RTTN: variants seen among roughly 807,000 people sequenced by gnomAD.
RTTN encodes rotatin.
A neutral mutation model predicts 269.2 loss-of-function variants in RTTN; 182 were observed. The observed-to-expected ratio is 0.68, with a 90% CI of 0.60 to 0.76. The LOEUF is 0.76. Ranked by LOEUF, RTTN falls within the 30% of genes least tolerant of loss-of-function variation. The pLI, the probability that RTTN is intolerant of heterozygous loss-of-function variation, is 0.00. For synonymous variants in RTTN, 1,006 were observed against 963.5 expected (o/e 1.04, Z -0.82); for missense variants, 2,545 against 2,608.6 (o/e 0.98, Z 0.53).
At chr18:70,193,978 T>C (rs1480058347) in intron 7 of RTTN, among the ~76,000 whole-genome samples, 1 of 152,162 alleles carries the variant, frequency 6.6e-6, no homozygotes, top group African/African-American at 2.4e-5. Flanking sequence ...CAAGGGAACA[T>C]TACAAGAAAG....
intron 27 of RTTN, among the ~76,000 whole-genome samples, chr18:70,110,350 CCAA>C (rs2059431621): frequency 6.6e-6 from 1 of 152,106 alleles, no homozygotes; most frequent in Non-Finnish European, 1.5e-5. Context: ...TTCTGCATTT[CCAA>C]CTAAGGTACC....
intron 44 of RTTN, 113 bp downstream of exon 44, chr18:70,024,609 A>G: frequency 3.0e-6 from 3 of 991,978 alleles, no homozygotes; most frequent in Non-Finnish European, 4.5e-6. Context: ...CATATCCTCA[A>G]TAAATCAGAG....
chr18:70,054,079 T>A, intron 38 of RTTN, 52 bp downstream of exon 38: 1 of 1,457,782 alleles, frequency 6.9e-7, no homozygotes, highest in Admixed American at 1.9e-5. Flanking sequence ...GAGTAAGTTT[T>A]TTTTCCTCAG....
intron 10 of RTTN, among the ~76,000 whole-genome samples, chr18:70,180,721 G>A (rs893956003): frequency 1.3e-5 from 2 of 152,040 alleles, no homozygotes; most frequent in Non-Finnish European, 2.9e-5. Flanking sequence ...AATAAACTGT[G>A]CCTCAGTTAT....
intron 29 of RTTN, 136 bp from the exon 30 acceptor site, chr18:70,092,356 C>T (rs1173849760): frequency 1.6e-5 from 10 of 641,920 alleles, no homozygotes; most frequent in Non-Finnish European, 2.6e-5. Flanking sequence ...ATTATTCAGC[C>T]AAAAAAGGCA....
chr18:70,133,497 T>C lies in RTTN; in HGVS notation c.2954+976A>G, dbSNP rs148478766. Among the ~76,000 whole-genome samples, 124 of 152,198 alleles carry C rather than the reference T, an allele frequency of 8.1e-4. 2 individuals carry two copies. The highest frequency in any genetic ancestry group is 2.9e-3 in the African/African-American group (121 of 41,520). On this transcript the variant is annotated intron_variant, in intron 23 of 48. Transcript: ENST00000640769. The stretch of plus-strand genomic sequence containing the variant: ...AGAAAACAAATTAAACATCCACAAA[T>C]AGAATGGTAAATAAAAGTGTTGTAT...
At position 70,109,579 on chromosome 18, in the gene RTTN, A is replaced by G; in HGVS notation, c.3822T>C (p.Thr1274=). 6.2e-7 allele frequency: 1 copy of G among 1,614,176 alleles called. No homozygotes were observed. The highest frequency in any genetic ancestry group is 8.5e-7 in the Non-Finnish European group (1 of 1,180,014). ...ERTLRGMANL[T]AFPGWSSHSP... is the part of the protein sequence containing the mutation. The stretch of plus-strand genomic sequence containing the variant: ...AGTGTGAGCTCCATCCCGGAAACGC[A>G]GTGAGGTTAGCCATCCCTCGTAAGG... Residue 1274 remains threonine, a synonymous_variant, in exon 28 of 49, where the codon ACT becomes ACC. Transcript: ENST00000640769.
intron 28 of RTTN, among the ~76,000 whole-genome samples, chr18:70,103,106 G>T (rs188367232): frequency 6.6e-6 from 1 of 150,502 alleles, no homozygotes. Flanking sequence ...TGTGAGGAGC[G>T]CCTCTGCCCA....
At position 70,201,541 on chromosome 18, in the gene RTTN, G is replaced by A. The variant is rs866410148; in HGVS notation, c.487+353C>T. 4.4e-3 allele frequency among the ~76,000 whole-genome samples: 636 copies of A among 143,368 alleles called. 8 individuals are homozygous for A. The highest frequency in any genetic ancestry group is 0.015 in the African/African-American group (604 of 39,404). The allele number at this position is 143,368 out of a possible 152,430, so 94.1% of individuals were successfully genotyped here. On this transcript the variant is annotated intron_variant, in intron 4 of 48. Coordinates refer to ENST00000640769, the MANE Select transcript of RTTN (RefSeq NM_173630.4). Reference sequence around the variant, plus strand: ...GAGAATGGCGTGAACCCGGGAGGCGGAGCTTGCAGTGAGCCGAGATCCCAC... The same window carrying A: ...GAGAATGGCGTGAACCCGGGAGGCGAAGCTTGCAGTGAGCCGAGATCCCAC...
intron 40 of RTTN, among the ~76,000 whole-genome samples, chr18:70,034,769 A>C (rs2057120567): frequency 6.6e-6 from 1 of 152,222 alleles, no homozygotes; most frequent in Non-Finnish European, 1.5e-5. Context: ...CTGTTTGCAG[A>C]TGACATGATC....
At position 70,197,848 on chromosome 18, in the gene RTTN, T is replaced by G. The variant is rs943430421; in HGVS notation, c.579-110A>C. ...ACAATCTTTTGGGTCTCAGCTGAGATATCACTTCTCCAGAAAAGCCTTCCT... is the reference window on the plus strand; with the variant it reads ...ACAATCTTTTGGGTCTCAGCTGAGAGATCACTTCTCCAGAAAAGCCTTCCT... On this transcript the variant is annotated intron_variant, in intron 5 of 48. Coordinates refer to ENST00000640769, the MANE Select transcript of RTTN (RefSeq NM_173630.4). 17 of 687,928 alleles carry G rather than the reference T, an allele frequency of 2.5e-5. No individual in the cohort carries two copies. In the African/African-American group the frequency reaches 2.9e-4, roughly 12 times the overall value. 42.6% of individuals were successfully genotyped at this position (687,928 alleles called of 1,614,324 possible).
chr18:70,164,308 C>T (rs2060929622), intron 14 of RTTN, among the ~76,000 whole-genome samples: 1 of 91,662 alleles, frequency 1.1e-5, no homozygotes, highest in Non-Finnish European at 2.6e-5. Context: ...ACCTCCCAGT[C>T]TCAAGCAATC....
intron 11 of RTTN, among the ~76,000 whole-genome samples, chr18:70,170,565 A>T (rs1356104344): frequency 2.6e-5 from 4 of 152,334 alleles, no homozygotes; most frequent in Non-Finnish European, 2.9e-5. Context: ...GAGCAATTAC[A>T]AAAACTATTA....
In RTTN at chr18:70,047,460, A is replaced by C. The variant is rs182919681; in HGVS notation, c.5541+511T>G. On this transcript the variant is annotated intron_variant, in intron 40 of 48. Transcript: ENST00000640769. ...ATTCACATTTTAGACTGTAAACATAATTTTATAAGATAAAACAGGCAACAG... is the reference window on the plus strand; with the variant it reads ...ATTCACATTTTAGACTGTAAACATACTTTTATAAGATAAAACAGGCAACAG... 1.9e-4 allele frequency among the ~76,000 whole-genome samples: 29 copies of C among 152,296 alleles called. No individual in the cohort carries two copies. In the East Asian group the frequency reaches 5.0e-3, roughly 26 times the overall value.
intron 27 of RTTN, among the ~76,000 whole-genome samples, chr18:70,112,521 T>C (rs1274869667): frequency 1.4e-5 from 2 of 144,552 alleles, no homozygotes; most frequent in East Asian, 2.1e-4. Flanking sequence ...ACCATCCTTA[T>C]CTCTGATACA....
intron 26 of RTTN, among the ~76,000 whole-genome samples, chr18:70,115,097 T>C (rs1342098362): frequency 6.6e-6 from 1 of 152,064 alleles, no homozygotes; most frequent in East Asian, 1.9e-4. Flanking sequence ...GATGCATAAT[T>C]TCACTAAGCT....
chr18:70,048,938 T>C (rs2144785032), intron 39 of RTTN, among the ~76,000 whole-genome samples: 1 of 152,314 alleles, frequency 6.6e-6, no homozygotes, highest in Middle Eastern at 3.4e-3. Context: ...TTAACATTAC[T>C]ATTATGAAAA....
At chr18:70,035,604 C>T (rs975882284) in intron 40 of RTTN, among the ~76,000 whole-genome samples, 5 of 152,096 alleles carry the variant, frequency 3.3e-5, no homozygotes, top group Admixed American at 6.6e-5. Flanking sequence ...ACTATTAAAA[C>T]GCTGGAAGAC....
Position 70,205,230 on chromosome 18 carries a change from G to T in RTTN, c.117C>A (p.Leu39=). ...GAAGAAAAAGTTGCCTCTCCTGAAT[G>T]AGATCAGCGTAGCAGATTAAGTTGT... is the stretch of plus-strand genomic sequence containing the variant. ...IEHNLICYAD[L]IQERQLFLHL... Residue 39 remains leucine (L), a synonymous_variant, in exon 2 of 49, where the codon CTC becomes CTA. Coordinates refer to ENST00000640769, the MANE Select transcript of RTTN (RefSeq NM_173630.4). 6.2e-7 allele frequency: 1 copy of T among 1,614,238 alleles called. No homozygotes were observed. Among genetic ancestry groups the T allele is most frequent in the Non-Finnish European group, 8.5e-7 (1 of 1,180,040 alleles).
Sources: allele counts gnomAD v4.1 joint callset (sites outside exome capture counted in the v4.1 genomes callset), GRCh38; gene constraint gnomAD v4.1.1; transcripts MANE v1.5; gene names NCBI Gene and HGNC (gene_info 2026-07-23, HGNC 2026-07-21).